The following DMD variants were observed in gnomAD, a reference collection of about 807,000 sequenced individuals.
The protein encoded by DMD is dystrophin, also known as mutant dystrophin.
DMD carries 63 observed loss-of-function variants against 330.1 expected under a neutral mutation model. The ratio of observed to expected loss-of-function variants is 0.19; its 90% confidence interval spans 0.16 to 0.24. DMD has a LOEUF of 0.24. DMD is among the 10% of genes least tolerant of loss of function. The probability of loss-of-function intolerance (pLI) is 1.00; values close to 1 mark genes in which losing one functional copy is unlikely to be tolerated. For missense variants in DMD, 3,344 were observed against 2,684.1 expected (o/e 1.25, Z -5.43); for synonymous variants, 1,223 against 959.8 (o/e 1.27, Z -5.07).
At chrX:33,108,713 T>C (rs1333050944) in intron 1 of DMD, among the ~76,000 whole-genome samples, 1 of 105,421 alleles carries the variant, frequency 9.5e-6, no homozygotes, top group Non-Finnish European at 2.0e-5. Flanking sequence ...TCGTCTCTAC[T>C]ACAAATACAA....
intron 1 of DMD, among the ~76,000 whole-genome samples, chrX:33,285,371 G>A (rs1210955936): frequency 2.7e-5 from 3 of 111,238 alleles, no homozygotes; most frequent in African/African-American, 9.8e-5. Flanking sequence ...ATTTAATGCT[G>A]TAACATTACA....
chrX:31,557,635 T>C (rs953588781), intron 55 of DMD, among the ~76,000 whole-genome samples: 1 of 112,186 alleles, frequency 8.9e-6, no homozygotes, highest in African/African-American at 3.2e-5. Flanking sequence ...TAATGCTTAT[T>C]GAATGAACCA....
rs11796453 is a variant in DMD, at chrX:33,293,557, T to A, written c.7+45702A>T. Among the ~76,000 whole-genome samples, 762 of 111,329 alleles carry A rather than the reference T, an allele frequency of 6.8e-3. 2 individuals are homozygous for A. Among genetic ancestry groups the A allele is most frequent in the Middle Eastern group, 0.014 (3 of 214 alleles). ...TCTTCCTAGAAGTTTCACACATTAATTCTTATTATGTCCTATCAGAACCAG... is the reference window on the plus strand; with the variant it reads ...TCTTCCTAGAAGTTTCACACATTAAATCTTATTATGTCCTATCAGAACCAG... On this transcript the variant is annotated intron_variant, in intron 1 of 17. Transcript: ENST00000288447.
At chrX:31,312,316 C>T (rs1569524075) in intron 62 of DMD, among the ~76,000 whole-genome samples, 1 of 112,091 alleles carries the variant, frequency 8.9e-6, no homozygotes, top group Admixed American at 9.4e-5. Context: ...AGACACTTCT[C>T]AAAAGAAGAC....
intron 47 of DMD, among the ~76,000 whole-genome samples, chrX:31,900,993 C>T (rs185764861): frequency 3.3e-4 from 37 of 111,684 alleles, no homozygotes; most frequent in African/African-American, 1.1e-3. Flanking sequence ...GGAAAGGTTA[C>T]GCTACCCATG....
At chrX:32,790,536 C>T (rs1313372680) in intron 7 of DMD, among the ~76,000 whole-genome samples, 2 of 111,491 alleles carry the variant, frequency 1.8e-5, no homozygotes, top group Non-Finnish European at 3.8e-5. Context: ...CCAGCCCCCA[C>T]CAGTCTATGT....
chrX:32,560,922 T>C (rs886920970), intron 16 of DMD, among the ~76,000 whole-genome samples: 1 of 111,990 alleles, frequency 8.9e-6, no homozygotes, highest in African/African-American at 3.2e-5. Flanking sequence ...ATCTTTATAA[T>C]AGGATGATTT....
intron 9 of DMD, among the ~76,000 whole-genome samples, chrX:32,674,315 C>G (rs1306539668): frequency 9.0e-6 from 1 of 111,556 alleles, no homozygotes; most frequent in Non-Finnish European, 1.9e-5. Context: ...GCTAATCACC[C>G]AGATATCCCA....
intron 7 of DMD, among the ~76,000 whole-genome samples, chrX:32,800,488 T>C (rs2855683): frequency 0.43 from 47,219 of 110,893 alleles, 7,715 homozygotes; most frequent in Non-Finnish European, 0.51. Context: ...ATGGCAAGAA[T>C]TGACATATTT....
chrX:32,360,800 A>AAAAT (rs2097829882), intron 37 of DMD, among the ~76,000 whole-genome samples: 3 of 95,935 alleles, frequency 3.1e-5, no homozygotes, highest in South Asian at 5.3e-4. Flanking sequence ...CACACACACA[A>AAAAT]AATAATAATA....
chrX:31,610,517 C>T (rs965678788), intron 55 of DMD, among the ~76,000 whole-genome samples: 2 of 112,140 alleles, frequency 1.8e-5, no homozygotes, highest in African/African-American at 6.5e-5. Flanking sequence ...ACAGTAAACA[C>T]ACATACACAT....
At chrX:32,458,290 A>C (rs12390576) in intron 25 of DMD, among the ~76,000 whole-genome samples, 11,282 of 111,024 alleles carry the variant, frequency 0.1, 540 homozygotes, top group African/African-American at 0.17. Flanking sequence ...TTCACTTAGC[A>C]TACTATCCTC....
intron 1 of DMD, among the ~76,000 whole-genome samples, chrX:33,054,579 C>T (rs1457970314): frequency 8.9e-6 from 1 of 112,203 alleles, no homozygotes; most frequent in Admixed American, 9.5e-5. Context: ...TGAATTAAGT[C>T]AACTAGTTAT....
intron 7 of DMD, among the ~76,000 whole-genome samples, chrX:32,713,616 T>C (rs745931353): frequency 8.9e-6 from 1 of 112,085 alleles, no homozygotes; most frequent in Non-Finnish European, 1.9e-5. Context: ...TTGTCACCTA[T>C]TTGTTAATAT....
At chrX:32,345,628 G>A (rs1311933479) in intron 39 of DMD, among the ~76,000 whole-genome samples, 5 of 110,220 alleles carry the variant, frequency 4.5e-5, no homozygotes, top group Non-Finnish European at 9.5e-5. Context: ...CAGTTAGGCA[G>A]GTTTTTTTCA....
chrX:33,330,206 C>A (rs188948566), intron 1 of DMD, among the ~76,000 whole-genome samples: 3 of 110,844 alleles, frequency 2.7e-5, no homozygotes, highest in African/African-American at 9.8e-5. Flanking sequence ...CTGGATGATT[C>A]GATTCTTCAG....
chrX:32,660,948 G>A (rs1393131247), intron 9 of DMD, among the ~76,000 whole-genome samples: 1 of 111,062 alleles, frequency 9.0e-6, no homozygotes, highest in Non-Finnish European at 1.9e-5. Context: ...CATAGACATA[G>A]CAGCACATCA....
chrX:32,082,828 C>T (rs2096403958), intron 44 of DMD, among the ~76,000 whole-genome samples: 2 of 111,812 alleles, frequency 1.8e-5, no homozygotes, highest in South Asian at 7.5e-4. Context: ...CATACCTCCC[C>T]TACATGTGTG....
At chrX:32,749,754 G>C (rs1458285757) in intron 7 of DMD, among the ~76,000 whole-genome samples, 1 of 111,973 alleles carries the variant, frequency 8.9e-6, no homozygotes, top group African/African-American at 3.2e-5. Flanking sequence ...TAGACACCAA[G>C]GCAGAACTAC....
Sources: gnomAD v4.1 joint callset for allele counts (sites outside exome capture counted in the v4.1 genomes callset) on GRCh38, gnomAD v4.1.1 for gene constraint, MANE v1.5 for transcripts, NCBI Gene and HGNC (gene_info 2026-07-23, HGNC 2026-07-21) for gene names.